The following FHIT variants were observed in gnomAD, a reference collection of about 807,000 sequenced individuals.
The protein encoded by FHIT is fragile histidine triad diadenosine triphosphatase, also known as bis(5'-adenosyl)-triphosphatase.
A neutral mutation model predicts 17.9 loss-of-function variants in FHIT; 19 were observed. That is an observed-to-expected ratio of 1.06 (90% confidence interval 0.74 to 1.56). The LOEUF (loss-of-function observed/expected upper bound fraction) is 1.56, where lower values mean the gene tolerates loss of function less well. Ranked by LOEUF, FHIT falls within the 40% of genes most tolerant of loss-of-function variation. The pLI is 0.00. For missense variants in FHIT, 248 were observed against 189.2 expected, an observed-to-expected ratio of 1.31 and a Z score of -1.82; for synonymous variants, 81 against 69.7, an observed-to-expected ratio of 1.16 and a Z score of -0.81.
In FHIT at chr3:60,420,167, A is replaced by G. The variant is rs149395568; in HGVS notation, c.103+116693T>C. On this transcript the variant is annotated intron_variant, in intron 5 of 9. Coordinates refer to ENST00000492590, the MANE Select transcript of FHIT (RefSeq NM_002012.4). ...CGTAAATATACACCTAAAATCACAA[A>G]TATAAAGGCTTTTTTACTGAAGGCC... 2.3e-4 allele frequency among the ~76,000 whole-genome samples: 35 copies of G among 152,280 alleles called. 1 individual carries two copies. In the East Asian group the frequency reaches 6.8e-3, roughly 29 times the overall value.
intron 5 of FHIT, among the ~76,000 whole-genome samples, chr3:60,278,068 G>A (rs1298002066): frequency 6.6e-6 from 1 of 152,054 alleles, no homozygotes; most frequent in African/African-American, 2.4e-5. Flanking sequence ...AAAACAGAAG[G>A]ACCTAGGAAC....
intron 5 of FHIT, among the ~76,000 whole-genome samples, chr3:60,192,629 T>G (rs1297722844): frequency 2.6e-5 from 4 of 152,106 alleles, no homozygotes; most frequent in Non-Finnish European, 4.4e-5. Flanking sequence ...ATTAGCAGAG[T>G]TGCCTGCATC....
At chr3:60,471,113 TCTCTC>T (rs991001140) in intron 5 of FHIT, among the ~76,000 whole-genome samples, 2 of 152,116 alleles carry the variant, frequency 1.3e-5, no homozygotes, top group Non-Finnish European at 2.9e-5. Flanking sequence ...TCCTCTTTAC[TCTCTC>T]CTCTCCTCTT....
At chr3:60,798,197 G>C (rs1389178679) in intron 4 of FHIT, among the ~76,000 whole-genome samples, 1 of 151,942 alleles carries the variant, frequency 6.6e-6, no homozygotes, top group Admixed American at 6.6e-5. Flanking sequence ...CCCTGTATTA[G>C]ATCATAACTG....
At chr3:60,962,817 T>G (rs1488352073) in intron 3 of FHIT, among the ~76,000 whole-genome samples, 5 of 152,212 alleles carry the variant, frequency 3.3e-5, no homozygotes, top group Admixed American at 3.3e-4. Context: ...GATGTCCTGC[T>G]GGATTTGTTT....
At chr3:59,807,479 C>T (rs1162247941) in intron 8 of FHIT, among the ~76,000 whole-genome samples, 1 of 152,112 alleles carries the variant, frequency 6.6e-6, no homozygotes, top group African/African-American at 2.4e-5. Context: ...CTCTTGTCTT[C>T]CATTTTACAG....
intron 8 of FHIT, among the ~76,000 whole-genome samples, chr3:59,903,345 T>C (rs1575669574): frequency 6.6e-6 from 1 of 152,210 alleles, no homozygotes; most frequent in Non-Finnish European, 1.5e-5. Flanking sequence ...GAAATTATTC[T>C]GGAATTAGAT....
rs980039153 is a variant in FHIT, at chr3:61,160,370, T to C, written c.-164+40247A>G. Among the ~76,000 whole-genome samples the C allele has an allele frequency of 9.5e-4, 144 of 152,262 alleles. 1 individual carries two copies. Among genetic ancestry groups the C allele is most frequent in the Non-Finnish European group, 2.5e-4 (17 of 68,008 alleles). On this transcript the variant is annotated intron_variant, in intron 2 of 9. Transcript: ENST00000492590. Reference sequence around the variant, plus strand: ...TTCTTCCATTAGAGGAAAAAATAAATGTATTTGTTTCTTTGTAAAGATAGG... The same window carrying C: ...TTCTTCCATTAGAGGAAAAAATAAACGTATTTGTTTCTTTGTAAAGATAGG...
chr3:60,319,209 C>T (rs2106795790), intron 5 of FHIT, among the ~76,000 whole-genome samples: 1 of 152,194 alleles, frequency 6.6e-6, no homozygotes, highest in East Asian at 1.9e-4. Flanking sequence ...CTCAGCCTAC[C>T]ATAATCTCTT....
At chr3:60,573,037 G>C (rs897781330) in intron 4 of FHIT, among the ~76,000 whole-genome samples, 6 of 152,242 alleles carry the variant, frequency 3.9e-5, no homozygotes, top group South Asian at 2.1e-4. Context: ...AAGTTACAAA[G>C]CTACTAAGTG....
rs10540921 is a variant in FHIT at position 60,140,575 on chromosome 3, ATTT to A, written c.104-126426_104-126424del. ...CCATGGAGGGAAAGACACAGACTCT[ATTT>A]TTTTTTTTTTTTTTTTTGAGACAGA... On this transcript the variant is annotated intron_variant, in intron 5 of 9. Transcript: ENST00000492590. 5.5e-3 allele frequency among the ~76,000 whole-genome samples: 705 copies of A among 128,970 alleles called. 3 individuals carry two copies. The highest frequency in any genetic ancestry group is 0.024 in the East Asian group (108 of 4,540). The allele number at this position is 128,970 out of a possible 152,430, so 84.6% of individuals were successfully genotyped here. A position where few individuals can be genotyped will look rare whatever the true frequency, so the allele number is the denominator to read the frequency against.
chr3:59,993,762 C>G (rs1699389868), intron 7 of FHIT, among the ~76,000 whole-genome samples: 1 of 151,922 alleles, frequency 6.6e-6, no homozygotes, highest in South Asian at 2.1e-4. Context: ...GTCTCAGTTC[C>G]TGTTCAACTC....
At chr3:60,269,750 G>A (rs760171246) in intron 5 of FHIT, among the ~76,000 whole-genome samples, 4 of 152,216 alleles carry the variant, frequency 2.6e-5, no homozygotes, top group South Asian at 2.1e-4. Context: ...ACAGTCTAGT[G>A]AAGCAGATAG....
chr3:60,711,152 C>T (rs2041518893), intron 4 of FHIT, among the ~76,000 whole-genome samples: 1 of 152,124 alleles, frequency 6.6e-6, no homozygotes, highest in Non-Finnish European at 1.5e-5. Context: ...ACTGCTGATA[C>T]CCACACAAAC....
At chr3:61,230,050 G>A (rs1286684622) in intron 1 of FHIT, among the ~76,000 whole-genome samples, 1 of 152,114 alleles carries the variant, frequency 6.6e-6, no homozygotes, top group Non-Finnish European at 1.5e-5. Flanking sequence ...CCTTCCCCTC[G>A]CTGTACCTTG....
At chr3:60,040,121 T>A (rs1701375197) in intron 5 of FHIT, among the ~76,000 whole-genome samples, 1 of 151,626 alleles carries the variant, frequency 6.6e-6, no homozygotes, top group African/African-American at 2.4e-5. Flanking sequence ...TGTCACCTAA[T>A]GAATAATTTC....
chr3:60,457,003 G>A (rs988706055), intron 5 of FHIT, among the ~76,000 whole-genome samples: 1 of 152,082 alleles, frequency 6.6e-6, no homozygotes, highest in Non-Finnish European at 1.5e-5. Context: ...TGGCCATACT[G>A]CCCAAGGTAA....
chr3:60,559,117 A>G (rs1175719486), intron 4 of FHIT, among the ~76,000 whole-genome samples: 2 of 152,132 alleles, frequency 1.3e-5, no homozygotes, highest in African/African-American at 4.8e-5. Flanking sequence ...ATAATTTTTA[A>G]ATTAGCGGGT....
chr3:60,863,891 A>G (rs140011336), intron 3 of FHIT, among the ~76,000 whole-genome samples: 56 of 152,328 alleles, frequency 3.7e-4, no homozygotes, highest in African/African-American at 1.3e-3. Context: ...ATTTCCCTTC[A>G]CAACAAGCCT....
Sources: allele counts gnomAD v4.1 joint callset (sites outside exome capture counted in the v4.1 genomes callset), GRCh38; gene constraint gnomAD v4.1.1; transcripts MANE v1.5; gene names NCBI Gene and HGNC (gene_info 2026-07-23, HGNC 2026-07-21).